The following ATP10B variants were observed in gnomAD, a reference collection of about 807,000 sequenced individuals.
The protein encoded by ATP10B is ATPase phospholipid transporting 10B (putative).
A neutral mutation model predicts 141.2 loss-of-function variants in ATP10B; 122 were observed. The ratio of observed to expected loss-of-function variants is 0.86; its 90% confidence interval spans 0.75 to 1.00. ATP10B has a LOEUF of 1.00. ATP10B is among the 50% of genes least tolerant of loss of function. The pLI is 0.00. For synonymous variants in ATP10B, 685 were observed against 692.0 expected (o/e 0.99, Z 0.16); for missense variants, 1,876 against 1,825.3 (o/e 1.03, Z -0.51).
intron 1 of ATP10B, among the ~76,000 whole-genome samples, chr5:160,848,765 T>C (rs1753599865): frequency 6.6e-6 from 1 of 152,198 alleles, no homozygotes; most frequent in Non-Finnish European, 1.5e-5. Flanking sequence ...AAAATGAGAC[T>C]TAATGATGGA....
At position 160,686,166 on chromosome 5, in the gene ATP10B, A is replaced by G; in HGVS notation, c.383T>C (p.Val128Ala). 2 of 1,613,402 alleles carry G rather than the reference A, an allele frequency of 1.2e-6. No homozygotes were observed. Among genetic ancestry groups the G allele is most frequent in the Non-Finnish European group, 1.7e-6 (2 of 1,179,488 alleles). The change falls in exon 6 of 26, where the codon GTC becomes GCC. Residue 128 changes from valine (V) to alanine (A), a missense_variant. By Grantham distance (64) the Val-to-Ala change is moderately conservative. Transcript: ENST00000327245. ...CTCCATGCCATCCTTGATCATGATG[A>G]CGAACAGGACAATGGCCAATGGTAA... ...TMLPLAIVLF[V>A]IMIKDGMEDF... is the part of the protein sequence containing the mutation.
intron 2 of ATP10B, among the ~76,000 whole-genome samples, chr5:160,763,519 A>G (rs1769190451): frequency 6.6e-6 from 1 of 152,182 alleles, no homozygotes; most frequent in East Asian, 1.9e-4. Flanking sequence ...CTGAACAATA[A>G]TAGTGACAAA....
chr5:160,839,222 G>A (rs1183261993), intron 1 of ATP10B, among the ~76,000 whole-genome samples: 1 of 152,140 alleles, frequency 6.6e-6, no homozygotes, highest in East Asian at 1.9e-4. Context: ...TTTTGGGGAA[G>A]GGAGAAGGAT....
intron 6 of ATP10B, among the ~76,000 whole-genome samples, chr5:160,671,850 C>T (rs780774127): frequency 4.6e-5 from 7 of 152,026 alleles, no homozygotes; most frequent in Non-Finnish European, 8.8e-5. Flanking sequence ...GGAACCTGAA[C>T]CTGGGTCCAG....
chr5:160,652,965 G>GTATATATAATATATTA (rs1561702459), intron 7 of ATP10B, among the ~76,000 whole-genome samples: 8 of 73,116 alleles, frequency 1.1e-4, no homozygotes, highest in African/African-American at 5.3e-4. Flanking sequence ...ATATATACAT[G>GTATATATAATATATTA]TATATATAAT....
chr5:160,639,621 A>G (rs1581244872), intron 10 of ATP10B, among the ~76,000 whole-genome samples: 1 of 152,318 alleles, frequency 6.6e-6, no homozygotes, highest in Non-Finnish European at 1.5e-5. Context: ...TCTAGGAGGA[A>G]CCAGAACTGC....
At chr5:160,746,635 AC>A (rs745655712) in intron 2 of ATP10B, among the ~76,000 whole-genome samples, 1 of 151,290 alleles carries the variant, frequency 6.6e-6, no homozygotes, top group Non-Finnish European at 1.5e-5. Flanking sequence ...TAAATGATCC[AC>A]CCGCCTCAGC....
At chr5:160,597,716 C>T (rs1756807391) in intron 22 of ATP10B, among the ~76,000 whole-genome samples, 1 of 151,942 alleles carries the variant, frequency 6.6e-6, no homozygotes, top group African/African-American at 2.4e-5. Context: ...ATAAACAACC[C>T]CATCAAAAAG....
chr5:160,748,935 T>A (rs1186898290), intron 2 of ATP10B, among the ~76,000 whole-genome samples: 7 of 152,222 alleles, frequency 4.6e-5, no homozygotes, highest in African/African-American at 1.2e-4. Context: ...GCCCCCCGTA[T>A]AAATGACCTC....
the ATP10B span, among the ~76,000 whole-genome samples, chr5:160,906,291 A>G: frequency 6.6e-6 from 1 of 152,060 alleles, no homozygotes; most frequent in Non-Finnish European, 1.5e-5. Flanking sequence ...GGGAGCTTCA[A>G]GTACAGGGAT....
chr5:160,644,140 G>T lies in ATP10B; in HGVS notation c.866C>A (p.Ala289Glu). Reference protein sequence around the residue: ...TEMAVGIVIYAGHETKAMLNN... With the variant: ...TEMAVGIVIYEGHETKAMLNN... ...AAAGAAACTACCCAGACAATGACCT[G>T]CATAGATGACAATGCCAACAGCCAT... The change falls in exon 9 of 26, where the codon GCA (alanine) becomes GAA (glutamate). Residue 289 changes from alanine to glutamate, a missense_variant and splice_region_variant. By Grantham distance (107) the Ala-to-Glu change is moderately radical (BLOSUM62 -1). Transcript: ENST00000327245. 6.2e-7 allele frequency: 1 copy of T among 1,612,758 alleles called. No homozygotes were observed. Among genetic ancestry groups the T allele is most frequent in the Non-Finnish European group, 8.5e-7 (1 of 1,178,830 alleles).
chr5:160,754,625 C>T (rs557501342), intron 2 of ATP10B, among the ~76,000 whole-genome samples: 7 of 152,284 alleles, frequency 4.6e-5, no homozygotes, highest in African/African-American at 1.7e-4. Flanking sequence ...CAAGACAAGG[C>T]CACCAATGTC....
At chr5:160,600,043 CCTT>C (rs1756998785) in intron 21 of ATP10B, among the ~76,000 whole-genome samples, 1 of 152,154 alleles carries the variant, frequency 6.6e-6, no homozygotes, top group African/African-American at 2.4e-5. Context: ...TAAAATTTGA[CCTT>C]CTATATGTGC....
intron 6 of ATP10B, among the ~76,000 whole-genome samples, chr5:160,679,227 C>T (rs1470300125): frequency 6.6e-6 from 1 of 152,106 alleles, no homozygotes; most frequent in African/African-American, 2.4e-5. Context: ...CAGGCTAGGC[C>T]CTCGGTGCTA....
At chr5:160,628,019 G>T (rs1758699683) in intron 13 of ATP10B, among the ~76,000 whole-genome samples, 1 of 152,228 alleles carries the variant, frequency 6.6e-6, no homozygotes, top group African/African-American at 2.4e-5. Flanking sequence ...TTTCCTGGTT[G>T]CTGGGGAGCT....
At chr5:160,734,207 A>G (rs1408954122) in intron 2 of ATP10B, among the ~76,000 whole-genome samples, 1 of 151,960 alleles carries the variant, frequency 6.6e-6, no homozygotes, top group Non-Finnish European at 1.5e-5. Context: ...TCAGACCTGC[A>G]CTACAAGAAA....
the ATP10B span, among the ~76,000 whole-genome samples, chr5:160,886,884 G>T: frequency 3.9e-5 from 6 of 152,198 alleles, no homozygotes; most frequent in Non-Finnish European, 8.8e-5. Flanking sequence ...ACTATTAAAA[G>T]AAATACTTTC....
intron 7 of ATP10B, among the ~76,000 whole-genome samples, chr5:160,669,855 C>T (rs1024606194): frequency 7.4e-5 from 10 of 134,970 alleles, no homozygotes; most frequent in Non-Finnish European, 1.4e-4. Flanking sequence ...ACCTGCCTCT[C>T]GGCCTGCCAA....
At chr5:160,704,076 G>A (rs1453578014) in intron 3 of ATP10B, among the ~76,000 whole-genome samples, 1 of 152,048 alleles carries the variant, frequency 6.6e-6, no homozygotes, top group Non-Finnish European at 1.5e-5. Flanking sequence ...TTAAACTCCT[G>A]GGCAATCCTC....
Sources: gnomAD v4.1 joint callset for allele counts (sites outside exome capture counted in the v4.1 genomes callset) on GRCh38, gnomAD v4.1.1 for gene constraint, MANE v1.5 for transcripts, NCBI Gene and HGNC (gene_info 2026-07-23, HGNC 2026-07-21) for gene names.